SLF2: variants seen among roughly 807,000 people sequenced by gnomAD.
SLF2 encodes SMC5-SMC6 complex localization factor protein 2.
Under a neutral mutation model 124.3 loss-of-function variants are expected in SLF2, and 68 were observed. The ratio of observed to expected loss-of-function variants is 0.55; its 90% CI spans 0.45 to 0.67. The LOEUF (loss-of-function observed/expected upper bound fraction) is 0.67, where lower values mean the gene tolerates loss of function less well. Among genes scored for constraint, SLF2 ranks in the 30% least tolerant of loss-of-function variants. The pLI is 0.00. For missense variants in SLF2, 1,246 were observed against 1,373.7 expected, an observed-to-expected ratio of 0.91 and a Z score of 1.47; for synonymous variants, 480 against 478.8, an observed-to-expected ratio of 1.00 and a Z score of -0.03.
rs749112617 is a variant in SLF2 at position 100,916,822 on chromosome 10, G to T, written c.437G>T (p.Gly146Val). 7 of 1,613,922 alleles carry T rather than the reference G, an allele frequency of 4.3e-6. No individual in the cohort carries two copies. The highest frequency in any genetic ancestry group is 1.7e-5 in the Admixed American group (1 of 59,990). Reference sequence around the variant, plus strand: ...CTAGCCTCCAAATATTTAGCCAAAGGAACAAATATCTATGTTCCTTCTTCA... The same window carrying T: ...CTAGCCTCCAAATATTTAGCCAAAGTAACAAATATCTATGTTCCTTCTTCA... ...LSLASKYLAK[G>V]TNIYVPSSYH... The change falls in exon 3 of 20, where the codon GGA becomes GTA. Residue 146 changes from glycine to valine, a missense_variant. Physicochemically the swap from Gly to Val is moderately radical, Grantham distance 109. Coordinates refer to ENST00000238961, the MANE Select transcript of SLF2 (RefSeq NM_018121.4).
rs1313763944 is a variant in SLF2 at position 100,956,519 on chromosome 10, A to G, written c.3399A>G (p.Arg1133=). Residue 1133 remains arginine, a synonymous_variant, in exon 18 of 20, where the codon AGA becomes AGG. Transcript: ENST00000238961. ...AATGTGATATTAGGGAAGATGCAAG[A>G]CTTTTTTACAGAACTAAGGTAAGTG... ...HVKCDIREDA[R]LFYRTKVKDL... is the part of the protein sequence containing the mutation. 2 of 1,611,786 alleles carry G rather than the reference A, an allele frequency of 1.2e-6. No individual in the cohort carries two copies. Among genetic ancestry groups the G allele is most frequent in the South Asian group, 2.2e-5 (2 of 90,784 alleles).
rs938612183 is a variant in SLF2 at position 100,964,620 on chromosome 10, A to T, written c.*2708A>T. On this transcript the variant is annotated 3_prime_UTR_variant, in exon 20 of 20. Coordinates refer to ENST00000238961, the MANE Select transcript of SLF2 (RefSeq NM_018121.4). ...GTAGCTTGCTTTCAGCTTCACAAAAATCTCCTCAAATGTAAAAGATACAAA... is the reference window on the plus strand; with the variant it reads ...GTAGCTTGCTTTCAGCTTCACAAAATTCTCCTCAAATGTAAAAGATACAAA... The T allele has an allele frequency of 6.5e-5, 10 of 152,744 alleles. No homozygotes were observed. The highest frequency in any genetic ancestry group is 2.2e-4 in the African/African-American group (9 of 41,560). The allele number at this position is 152,744 out of a possible 1,614,324, so 9.5% of individuals were successfully genotyped here.
chr10:100,922,495 G>A (rs1471887400), intron 4 of SLF2, among the ~76,000 whole-genome samples: 2 of 152,196 alleles, frequency 1.3e-5, no homozygotes, highest in Non-Finnish European at 1.5e-5. Context: ...ATGAGCCACT[G>A]TGCCCAGCCA....
chr10:100,914,445 TTC>T (rs1849378111), intron 1 of SLF2, among the ~76,000 whole-genome samples: 1 of 152,330 alleles, frequency 6.6e-6, no homozygotes, highest in Non-Finnish European at 1.5e-5. Flanking sequence ...AAATCATTTT[TTC>T]TCTTTCTGGT....
chr10:100,929,514 TG>T, intron 7 of SLF2, 75 bp downstream of exon 7: 1 of 1,323,684 alleles, frequency 7.6e-7, no homozygotes. Flanking sequence ...GTAAAATAAA[TG>T]GGCCATTGAT....
At chr10:100,956,286 G>A (rs1476526651) in intron 17 of SLF2, among the ~76,000 whole-genome samples, 165 bp from the exon 18 acceptor site, 1 of 152,112 alleles carries the variant, frequency 6.6e-6, no homozygotes, top group Non-Finnish European at 1.5e-5. Context: ...TGTCATGGAA[G>A]CAGCTTTCAC....
At position 100,962,172 on chromosome 10, in the gene SLF2, AG is replaced by A. The variant is rs1850437047; in HGVS notation, c.*261del. On this transcript the variant is annotated 3_prime_UTR_variant, in exon 20 of 20. Coordinates refer to ENST00000238961, the MANE Select transcript of SLF2 (RefSeq NM_018121.4). ...ATTAAAAGAGGGGAGGGGTAGAAGC[AG>A]AATAATAGTCATATGTCTAACCTGC... 3.0e-6 allele frequency: 1 copy of A among 330,384 alleles called. No individual in the cohort carries two copies. The highest frequency in any genetic ancestry group is 2.1e-5 in the African/African-American group (1 of 47,050). 20.5% of individuals were successfully genotyped at this position (330,384 alleles called of 1,614,324 possible). A position where few individuals can be genotyped will look rare whatever the true frequency, so the allele number is the denominator to read the frequency against.
At chr10:100,957,406 A>G (rs1375072354) in intron 18 of SLF2, among the ~76,000 whole-genome samples, 2 of 128,376 alleles carry the variant, frequency 1.6e-5, no homozygotes, top group Non-Finnish European at 3.1e-5. Flanking sequence ...GCTGGAGTGC[A>G]GTGGCACAAA....
At chr10:100,948,727 T>A (rs1318655798) in intron 15 of SLF2, among the ~76,000 whole-genome samples, 4 of 151,442 alleles carry the variant, frequency 2.6e-5, no homozygotes, top group Non-Finnish European at 5.9e-5. Context: ...CTAAAAAAAA[T>A]ACAAAAAAAT....
At chr10:100,923,860 T>G in intron 4 of SLF2, 115 bp from the exon 5 acceptor site, 2 of 783,604 alleles carry the variant, frequency 2.6e-6, no homozygotes, top group Non-Finnish European at 3.6e-6. Context: ...GTGACTAATC[T>G]CAGCCTTAAT....
At chr10:100,918,153 C>CTT (rs949812800) in intron 3 of SLF2, among the ~76,000 whole-genome samples, 16 of 152,240 alleles carry the variant, frequency 1.1e-4, no homozygotes, top group African/African-American at 3.9e-4. Context: ...ATTTTGAAAA[C>CTT]TGACTTCATT....
chr10:100,963,447 T>G lies in SLF2; in HGVS notation c.*1535T>G, dbSNP rs1344365972. The stretch of plus-strand genomic sequence containing the variant: ...AAAAGTTTTATTCTGTGTTGTTTAC[T>G]GGTAAGAATATTATTATCTTGATAC... On this transcript the variant is annotated 3_prime_UTR_variant, in exon 20 of 20. Coordinates refer to ENST00000238961, the MANE Select transcript of SLF2 (RefSeq NM_018121.4). 1 of 152,632 alleles carries G rather than the reference T, an allele frequency of 6.6e-6. No individual in the cohort carries two copies. The highest frequency in any genetic ancestry group is 2.4e-5 in the African/African-American group (1 of 41,448). 9.5% of individuals were successfully genotyped at this position (152,632 alleles called of 1,614,324 possible).
rs1037071692 is a variant in SLF2, at chr10:100,913,375, C to T, written c.140+125C>T. 8.1e-6 allele frequency: 11 copies of T among 1,365,870 alleles called. No individual in the cohort carries two copies. In the African/African-American group the frequency reaches 1.2e-4, roughly 15 times the overall value. 84.6% of individuals were successfully genotyped at this position (1,365,870 alleles called of 1,614,324 possible). ...GAGCTCAGGCGTTGGCATTTCGGGG[C>T]CTGGCAAATCCCCGCCCCGCCTCCG... On this transcript the variant is annotated intron_variant, in intron 1 of 19. Coordinates refer to ENST00000238961, the MANE Select transcript of SLF2 (RefSeq NM_018121.4).
At position 100,924,584 on chromosome 10, in the gene SLF2, C is replaced by G; in HGVS notation, c.1583C>G (p.Thr528Ser). Reference protein sequence around the residue: ...STKHKEHKAKTNKADSNVSSG... With the variant: ...STKHKEHKAKSNKADSNVSSG... ...AAACACAAGGAACACAAAGCAAAGA[C>G]TAATAAGGCCGATTCTAATGTATCT... Residue 528 changes from threonine to serine, a missense_variant, in exon 5 of 20, where the codon ACT (threonine) becomes AGT (serine). By Grantham distance (58) the Thr-to-Ser change is moderately conservative (BLOSUM62 1). Transcript: ENST00000238961. 6.2e-7 allele frequency: 1 copy of G among 1,614,058 alleles called. No homozygotes were observed. Among genetic ancestry groups the G allele is most frequent in the Non-Finnish European group, 8.5e-7 (1 of 1,180,036 alleles).
chr10:100,919,950 C>T lies in SLF2; in HGVS notation c.973+1509C>T, dbSNP rs139740602. ...AGGTGCATTGCATTTTGACCAAGAA[C>T]TCTCAACTGGTAAAATCAATCTTCA... On this transcript the variant is annotated intron_variant, in intron 4 of 19. Transcript: ENST00000238961. 4.9e-3 allele frequency among the ~76,000 whole-genome samples: 743 copies of T among 152,350 alleles called. 3 individuals are homozygous for T. Among genetic ancestry groups the T allele is most frequent in the Middle Eastern group, 0.02 (6 of 294 alleles).
intron 12 of SLF2, among the ~76,000 whole-genome samples, chr10:100,944,645 A>G (rs1850064196): frequency 6.6e-6 from 1 of 152,232 alleles, no homozygotes; most frequent in Non-Finnish European, 1.5e-5. Context: ...AGTCAGTTAC[A>G]TCATTAAATA....
At chr10:100,952,073 G>A (rs992497369) in intron 17 of SLF2, among the ~76,000 whole-genome samples, 2 of 151,840 alleles carry the variant, frequency 1.3e-5, no homozygotes, top group African/African-American at 4.8e-5. Flanking sequence ...GTGAAACCCC[G>A]TCTCTACAGA....
In SLF2 at chr10:100,957,330, A is replaced by ATTTT. The variant is rs71013477; in HGVS notation, c.3417+827_3417+830dup. Among the ~76,000 whole-genome samples the ATTTT allele has an allele frequency of 7.9e-4, 73 of 91,838 alleles. 3 individuals are homozygous for ATTTT. Among genetic ancestry groups the ATTTT allele is most frequent in the South Asian group, 1.6e-3 (5 of 3,160 alleles). The allele number at this position is 91,838 out of a possible 152,430, so 60.2% of individuals were successfully genotyped here. A position where few individuals can be genotyped will look rare whatever the true frequency, so the allele number is the denominator to read the frequency against. Reference sequence around the variant, plus strand: ...AATATGTTAAAGGAAGGAGTCTTCAATTTTTTTTTTTTTTTTTTTTTTTTT... The same window carrying ATTTT: ...AATATGTTAAAGGAAGGAGTCTTCAATTTTTTTTTTTTTTTTTTTTTTTTTTTTT... On this transcript the variant is annotated intron_variant, in intron 18 of 19. Coordinates refer to ENST00000238961, the MANE Select transcript of SLF2 (RefSeq NM_018121.4).
At chr10:100,946,972 T>G in intron 13 of SLF2, 67 bp from the exon 14 acceptor site, 68 of 1,213,070 alleles carry the variant, frequency 5.6e-5, no homozygotes, top group Non-Finnish European at 7.3e-5. Context: ...GGGTTGTAGA[T>G]GATCTGTTGG....
Sources: allele counts gnomAD v4.1 joint callset (sites outside exome capture counted in the v4.1 genomes callset), GRCh38; gene constraint gnomAD v4.1.1; transcripts MANE v1.5; gene names NCBI Gene and HGNC (gene_info 2026-07-23, HGNC 2026-07-21).